LARGE1: variants seen among roughly 807,000 people sequenced by gnomAD.
LARGE1 encodes the protein LARGE xylosyl- and glucuronyltransferase 1, also known as xylosyl- and glucuronyltransferase LARGE1.
LARGE1 carries 43 observed loss-of-function variants against 87.6 expected under a neutral mutation model. That is an observed-to-expected ratio of 0.49 (90% CI 0.38 to 0.63). The LOEUF is 0.63. Ranked by LOEUF, LARGE1 falls within the 30% of genes least tolerant of loss-of-function variation. LARGE1 has a pLI of 0.00. For synonymous variants in LARGE1, 434 were observed against 394.6 expected (o/e 1.10, Z -1.18); for missense variants, 802 against 1,000.2 (o/e 0.80, Z 2.67).
At chr22:33,224,558 G>A (rs1176519247) in intron 11 of LARGE1, among the ~76,000 whole-genome samples, 5 of 152,198 alleles carry the variant, frequency 3.3e-5, no homozygotes, top group African/African-American at 9.6e-5. Flanking sequence ...AAAGTGTTCA[G>A]TCCAAGTACC....
chr22:33,654,649 G>A (rs947354650), intron 2 of LARGE1, among the ~76,000 whole-genome samples: 5 of 152,168 alleles, frequency 3.3e-5, no homozygotes, highest in Admixed American at 1.3e-4. Flanking sequence ...GCCTCCTTAC[G>A]TTTCTCTGTT....
At chr22:33,250,568 C>T (rs1056227729) in intron 11 of LARGE1, among the ~76,000 whole-genome samples, 1 of 152,294 alleles carries the variant, frequency 6.6e-6, no homozygotes, top group East Asian at 1.9e-4. Flanking sequence ...AAAAGTAGTA[C>T]AGGAGATATC....
intron 2 of LARGE1, among the ~76,000 whole-genome samples, chr22:33,740,083 A>G (rs1180388837): frequency 6.6e-6 from 1 of 152,142 alleles, no homozygotes; most frequent in Non-Finnish European, 1.5e-5. Context: ...CTAACACCAC[A>G]TCTGGCATAC....
chr22:33,658,173 G>T (rs1036229262), intron 2 of LARGE1, among the ~76,000 whole-genome samples: 1 of 151,964 alleles, frequency 6.6e-6, no homozygotes, highest in Non-Finnish European at 1.5e-5. Context: ...CCTCAATCTG[G>T]GCTTCCATTA....
intron 5 of LARGE1, among the ~76,000 whole-genome samples, chr22:33,569,503 T>C (rs2078129919): frequency 6.6e-6 from 1 of 152,200 alleles, no homozygotes; most frequent in Non-Finnish European, 1.5e-5. Flanking sequence ...TGGGATGAGT[T>C]TGTATTCAGA....
intron 11 of LARGE1, among the ~76,000 whole-genome samples, chr22:33,226,312 T>C (rs1247480950): frequency 6.6e-6 from 1 of 152,228 alleles, no homozygotes; most frequent in Non-Finnish European, 1.5e-5. Context: ...GCTATATCTA[T>C]TTCTCCACCG....
chr22:33,657,157 G>T (rs531861785), intron 2 of LARGE1: 2 of 152,354 alleles, frequency 1.3e-5, no homozygotes, highest in South Asian at 2.1e-4. Flanking sequence ...CCTTTCAGGG[G>T]TGACAGACCC....
chr22:33,415,691 A>G (rs2267203), intron 7 of LARGE1, among the ~76,000 whole-genome samples: 104,325 of 152,094 alleles, frequency 0.69, 37,312 homozygotes, highest in African/African-American at 0.88. Flanking sequence ...AGGCACTGCG[A>G]TGACTTTAGT....
chr22:33,703,989 G>C (rs1483444991), intron 2 of LARGE1, among the ~76,000 whole-genome samples: 2 of 152,188 alleles, frequency 1.3e-5, no homozygotes, highest in Admixed American at 6.5e-5. Flanking sequence ...GAGGATCTGT[G>C]CACCAGCCTG....
intron 6 of LARGE1, among the ~76,000 whole-genome samples, chr22:33,492,702 TTTGAAGTCTCAATTTTTAATCAA>T (rs2069906487): frequency 6.6e-6 from 1 of 152,224 alleles, no homozygotes; most frequent in Non-Finnish European, 1.5e-5. Context: ...GAGTGATTTC[TTTGAAGTCTCAATTTTTAATCAA>T]TTGTGCACAT....
At chr22:33,691,112 T>A (rs932682417) in intron 2 of LARGE1, among the ~76,000 whole-genome samples, 1 of 152,182 alleles carries the variant, frequency 6.6e-6, no homozygotes, top group Non-Finnish European at 1.5e-5. Context: ...TTGAGAGCAG[T>A]GCAAATTTGC....
chr22:33,239,601 C>T (rs529249879), intron 11 of LARGE1, among the ~76,000 whole-genome samples: 194 of 139,916 alleles, frequency 1.4e-3, no homozygotes, highest in African/African-American at 4.8e-3. Context: ...TGCAGTGGCG[C>T]GATCTCGGCT....
intron 5 of LARGE1, among the ~76,000 whole-genome samples, chr22:33,592,812 CTTT>C (rs945650283): frequency 1.3e-5 from 2 of 150,586 alleles, no homozygotes; most frequent in East Asian, 3.9e-4. Flanking sequence ...TGTATATTTT[CTTT>C]TTTTTTCTGT....
intron 1 of LARGE1, among the ~76,000 whole-genome samples, chr22:33,882,093 A>G (rs529735697): frequency 9.9e-5 from 14 of 141,134 alleles, no homozygotes; most frequent in Non-Finnish European, 1.9e-4. Flanking sequence ...CCCAGGCTGG[A>G]GTGCAGTGGC....
At chr22:33,618,977 C>A (rs1039976246) in intron 4 of LARGE1, among the ~76,000 whole-genome samples, 1 of 152,194 alleles carries the variant, frequency 6.6e-6, no homozygotes, top group African/African-American at 2.4e-5. Flanking sequence ...CATGCACTTC[C>A]TATTCTGAGC....
chr22:33,380,815 A>G (rs888294298), intron 9 of LARGE1, among the ~76,000 whole-genome samples: 3 of 152,256 alleles, frequency 2.0e-5, no homozygotes, highest in African/African-American at 7.2e-5. Context: ...GGATGCATGT[A>G]TCTAATCCTC....
intron 2 of LARGE1, among the ~76,000 whole-genome samples, chr22:33,692,995 C>T (rs1258393236): frequency 6.6e-6 from 1 of 152,086 alleles, no homozygotes; most frequent in Non-Finnish European, 1.5e-5. Flanking sequence ...TGGGACCAAC[C>T]TAAATGTCCA....
At chr22:33,531,138 C>A (rs1269131641) in intron 6 of LARGE1, among the ~76,000 whole-genome samples, 1 of 152,162 alleles carries the variant, frequency 6.6e-6, no homozygotes, top group South Asian at 2.1e-4. Flanking sequence ...GGATCACCTA[C>A]TCCATGTGCA....
chr22:33,518,027 G>C (rs1031396775), intron 6 of LARGE1, among the ~76,000 whole-genome samples: 3 of 152,200 alleles, frequency 2.0e-5, no homozygotes, highest in Non-Finnish European at 4.4e-5. Context: ...TCTGGGATCT[G>C]AGGCACCCTC....
Sources: allele counts gnomAD v4.1 joint callset (sites outside exome capture counted in the v4.1 genomes callset), GRCh38; gene constraint gnomAD v4.1.1; transcripts MANE v1.5; gene names NCBI Gene and HGNC (gene_info 2026-07-23, HGNC 2026-07-21).